The following RPA1 variants were observed in gnomAD, a reference collection of about 807,000 sequenced individuals.
RPA1 encodes replication protein A 70 kDa DNA-binding subunit.
In RPA1, 49 loss-of-function variants were observed where a neutral mutation model predicts 83.0. The observed-to-expected ratio is 0.59, with a 90% confidence interval of 0.47 to 0.75. RPA1 has a LOEUF of 0.75. Ranked by LOEUF, RPA1 falls within the 30% of genes least tolerant of loss-of-function variation. The pLI is 0.00. For missense variants in RPA1, 693 were observed against 776.1 expected, an observed-to-expected ratio of 0.89 and a Z score of 1.27; for synonymous variants, 279 against 281.8, an observed-to-expected ratio of 0.99 and a Z score of 0.10.
chr17:1,894,174 A>ATTT (rs144400153), intron 15 of RPA1, among the ~76,000 whole-genome samples: 1 of 144,478 alleles, frequency 6.9e-6, no homozygotes, highest in Non-Finnish European at 1.5e-5. Flanking sequence ...TGACCTCCTA[A>ATTT]TTTTTTTTTT....
chr17:1,852,769 G>A (rs1431538045), intron 4 of RPA1, among the ~76,000 whole-genome samples: 1 of 152,178 alleles, frequency 6.6e-6, no homozygotes, highest in South Asian at 2.1e-4. Context: ...AGTCATTGTT[G>A]AGATAAGTAT....
At chr17:1,874,783 A>AT (rs919852748) in intron 6 of RPA1, among the ~76,000 whole-genome samples, 2 of 152,156 alleles carry the variant, frequency 1.3e-5, no homozygotes, top group East Asian at 1.9e-4. Flanking sequence ...TCCTATGTAT[A>AT]TTTTTTACTA....
chr17:1,887,743 G>A (rs1161447328), intron 13 of RPA1, among the ~76,000 whole-genome samples: 1 of 151,784 alleles, frequency 6.6e-6, no homozygotes, highest in African/African-American at 2.4e-5. Flanking sequence ...ACAAAAATTA[G>A]CCAGGCGTGG....
At chr17:1,853,039 G>A in intron 4 of RPA1, 62 bp from the exon 5 acceptor site, 7 of 1,267,908 alleles carry the variant, frequency 5.5e-6, no homozygotes, top group Non-Finnish European at 8.1e-6. Flanking sequence ...AGCATTTTGA[G>A]TAGCTTATCA....
intron 4 of RPA1, among the ~76,000 whole-genome samples, chr17:1,848,918 G>T (rs1347275092): frequency 2.6e-5 from 4 of 152,050 alleles, no homozygotes; most frequent in Non-Finnish European, 4.4e-5. Flanking sequence ...CACATTTTGT[G>T]TATCTATTCG....
At chr17:1,869,147 C>T (rs1018973748) in intron 5 of RPA1, among the ~76,000 whole-genome samples, 5 of 152,116 alleles carry the variant, frequency 3.3e-5, no homozygotes, top group Admixed American at 1.3e-4. Flanking sequence ...GTCTGTTTAG[C>T]GAATTTTTCT....
chr17:1,872,251 C>A, intron 5 of RPA1, 183 bp from the exon 6 acceptor site: 1 of 873,688 alleles, frequency 1.1e-6, no homozygotes, highest in Non-Finnish European at 1.7e-6. Context: ...GTAATGAAAA[C>A]AAAAAGTGAA....
At chr17:1,891,972 A>G in intron 15 of RPA1, 32 bp downstream of exon 15, 2 of 1,458,832 alleles carry the variant, frequency 1.4e-6, no homozygotes, top group Non-Finnish European at 1.9e-6. Flanking sequence ...AACTTCTATA[A>G]CTTTTAATGG....
chr17:1,890,691 GATAA>G (rs1263495657), intron 14 of RPA1, among the ~76,000 whole-genome samples: 3 of 152,042 alleles, frequency 2.0e-5, no homozygotes, highest in African/African-American at 7.2e-5. Context: ...ATTAATAAAT[GATAA>G]ATAAAATGAA....
At chr17:1,882,226 A>G (rs1913824411) in intron 12 of RPA1, among the ~76,000 whole-genome samples, 1 of 152,138 alleles carries the variant, frequency 6.6e-6, no homozygotes, top group African/African-American at 2.4e-5. Flanking sequence ...TTGATGTGTG[A>G]TCAAGAAGTA....
At chr17:1,832,952 A>G (rs996410295) in intron 1 of RPA1, among the ~76,000 whole-genome samples, 1 of 152,006 alleles carries the variant, frequency 6.6e-6, no homozygotes, top group East Asian at 1.9e-4. Context: ...TTTGAGACAG[A>G]GTCTTGCTCT....
At chr17:1,880,505 C>T (rs1913747655) in intron 11 of RPA1, 38 bp from the exon 12 acceptor site, 5 of 1,600,580 alleles carry the variant, frequency 3.1e-6, no homozygotes, top group Non-Finnish European at 4.3e-6. Context: ...GTTCTTCCTG[C>T]TAGTGACACT....
chr17:1,861,818 G>A (rs903000395), intron 5 of RPA1, among the ~76,000 whole-genome samples: 92 of 152,128 alleles, frequency 6.0e-4, no homozygotes, highest in African/African-American at 2.1e-3. Flanking sequence ...CCGCCTCCTG[G>A]ACTCAAGCAA....
chr17:1,856,930 T>A (rs1342194322), intron 5 of RPA1, among the ~76,000 whole-genome samples: 1 of 152,020 alleles, frequency 6.6e-6, no homozygotes, highest in Non-Finnish European at 1.5e-5. Flanking sequence ...TTTTATTGAT[T>A]TTCTCTTATG....
At chr17:1,833,808 C>T (rs1159787634) in intron 1 of RPA1, among the ~76,000 whole-genome samples, 4 of 151,642 alleles carry the variant, frequency 2.6e-5, no homozygotes, top group East Asian at 3.9e-4. Flanking sequence ...AAGCCAAGAT[C>T]GCACCATTGC....
At chr17:1,891,714 C>G in intron 14 of RPA1, 119 bp from the exon 15 acceptor site, 1 of 673,632 alleles carries the variant, frequency 1.5e-6, no homozygotes, top group Non-Finnish European at 2.4e-6. Context: ...GCCCACTGCA[C>G]CTGGCCCTCT....
intron 14 of RPA1, among the ~76,000 whole-genome samples, chr17:1,889,088 C>CTAA (rs1555595836): frequency 3.3e-5 from 5 of 151,654 alleles, no homozygotes; most frequent in African/African-American, 1.2e-4. Context: ...CACTTGCCTG[C>CTAA]TAACTGCTAT....
chr17:1,882,875 A>G (rs1045069960), intron 12 of RPA1, among the ~76,000 whole-genome samples: 1 of 152,180 alleles, frequency 6.6e-6, no homozygotes, highest in Admixed American at 6.5e-5. Flanking sequence ...TGACTTTCCC[A>G]GTTTCTGATT....
At position 1,879,229 on chromosome 17, in the gene RPA1, G is replaced by A. The variant is rs147691691; in HGVS notation, c.774G>A (p.Ser258=). ...LIEVNKVYYF[S]KGTLKIANKQ... The stretch of plus-strand genomic sequence containing the variant: ...CTCCTTCGCAGGTGTATTATTTCTC[G>A]AAAGGCACCCTGAAGATTGCTAACA... The change falls in exon 10 of 17, where the codon TCG becomes TCA. Residue 258 remains serine (S), a synonymous_variant. Transcript: ENST00000254719. 1.6e-5 allele frequency: 26 copies of A among 1,613,670 alleles called. No individual in the cohort carries two copies. The highest frequency in any genetic ancestry group is 6.7e-5 in the African/African-American group (5 of 74,890).
Sources: gnomAD v4.1 joint callset for allele counts (sites outside exome capture counted in the v4.1 genomes callset) on GRCh38, gnomAD v4.1.1 for gene constraint, MANE v1.5 for transcripts, NCBI Gene and HGNC (gene_info 2026-07-23, HGNC 2026-07-21) for gene names.